The following TBC1D12 variants were observed in gnomAD, a reference collection of about 807,000 sequenced individuals.
TBC1D12 encodes TBC1 domain family member 12, also known as TBC1 domain family, member 12.
A neutral mutation model predicts 86.7 loss-of-function variants in TBC1D12; 56 were observed. That is an observed-to-expected ratio of 0.65 (90% CI 0.52 to 0.81). TBC1D12 has a LOEUF of 0.81. Ranked by LOEUF, TBC1D12 falls within the 30% of genes least tolerant of loss-of-function variation. The probability of loss-of-function intolerance (pLI) is 0.00; values close to 1 mark genes in which losing one functional copy is unlikely to be tolerated. For missense variants in TBC1D12, 1,023 were observed against 1,038.8 expected, an observed-to-expected ratio of 0.98 and a Z score of 0.21; for synonymous variants, 421 against 411.7, an observed-to-expected ratio of 1.02 and a Z score of -0.27.
chr10:94,529,938 T>C (rs1313971746), intron 11 of TBC1D12, among the ~76,000 whole-genome samples: 1 of 152,230 alleles, frequency 6.6e-6, no homozygotes, highest in Non-Finnish European at 1.5e-5. Context: ...AAGTGGTTTT[T>C]GTCATATGAT....
At chr10:94,430,057 C>T (rs911388721) in intron 1 of TBC1D12, among the ~76,000 whole-genome samples, 3 of 151,998 alleles carry the variant, frequency 2.0e-5, no homozygotes, top group African/African-American at 7.3e-5. Flanking sequence ...TATCCCCCCA[C>T]CCCAATTTCT....
chr10:94,519,907 T>A (rs528835700), intron 9 of TBC1D12, among the ~76,000 whole-genome samples: 1 of 152,072 alleles, frequency 6.6e-6, no homozygotes, highest in Non-Finnish European at 1.5e-5. Flanking sequence ...ATCTGTAGAG[T>A]CCCTTTTACC....
intron 2 of TBC1D12, among the ~76,000 whole-genome samples, chr10:94,450,035 T>C (rs1283515105): frequency 1.3e-5 from 2 of 152,232 alleles, no homozygotes; most frequent in Admixed American, 1.3e-4. Flanking sequence ...AGGCTTTTTC[T>C]ATAGCAGAAC....
At chr10:94,473,285 G>A (rs951002165) in intron 2 of TBC1D12, among the ~76,000 whole-genome samples, 7 of 151,510 alleles carry the variant, frequency 4.6e-5, no homozygotes, top group Middle Eastern at 3.4e-3. Context: ...GCTTGAACCC[G>A]GGAGGCGGAG....
At chr10:94,438,631 G>A (rs1311548586) in intron 1 of TBC1D12, among the ~76,000 whole-genome samples, 1 of 152,088 alleles carries the variant, frequency 6.6e-6, no homozygotes, top group Non-Finnish European at 1.5e-5. Flanking sequence ...TGTGGTGGTG[G>A]TGGTTGTGAG....
chr10:94,522,123 A>C, intron 10 of TBC1D12, 40 bp downstream of exon 10: 2 of 1,594,366 alleles, frequency 1.3e-6, no homozygotes, highest in Non-Finnish European at 1.7e-6. Context: ...CTGTAGTTTG[A>C]ATGCCCTCTT....
At chr10:94,500,948 T>C (rs920936658) in intron 6 of TBC1D12, among the ~76,000 whole-genome samples, 2 of 151,926 alleles carry the variant, frequency 1.3e-5, no homozygotes, top group Admixed American at 6.6e-5. Flanking sequence ...CCCAGCTACT[T>C]GGGAGGCTGA....
intron 2 of TBC1D12, among the ~76,000 whole-genome samples, chr10:94,471,159 T>G (rs1456566495): frequency 6.6e-6 from 1 of 151,466 alleles, no homozygotes; most frequent in African/African-American, 2.4e-5. Context: ...GCCTGTAATC[T>G]CAGCTACTCA....
rs1240880289 is a variant in TBC1D12 at position 94,534,736 on chromosome 10, G to T, written c.*1640G>T. ...GTCATGACCCTCCAATTGAAACATA[G>T]CATGAATTATTTTTATGTCGAGTTC... is the stretch of plus-strand genomic sequence containing the variant. On this transcript the variant is annotated 3_prime_UTR_variant, in exon 13 of 13. Coordinates refer to ENST00000225235, the MANE Select transcript of TBC1D12 (RefSeq NM_015188.2). 6.6e-6 allele frequency: 1 copy of T among 152,130 alleles called. No homozygotes were observed. The highest frequency in any genetic ancestry group is 1.5e-5 in the Non-Finnish European group (1 of 68,012). 9.4% of individuals were successfully genotyped at this position (152,130 alleles called of 1,614,324 possible). A position where few individuals can be genotyped will look rare whatever the true frequency, so the allele number is the denominator to read the frequency against.
intron 2 of TBC1D12, among the ~76,000 whole-genome samples, chr10:94,454,913 A>G (rs1016701656): frequency 6.6e-6 from 1 of 152,218 alleles, no homozygotes; most frequent in Non-Finnish European, 1.5e-5. Context: ...TTCCAGAACA[A>G]TGTTGAGAAG....
chr10:94,496,835 A>G (rs927874330), intron 4 of TBC1D12, among the ~76,000 whole-genome samples: 1 of 152,202 alleles, frequency 6.6e-6, no homozygotes, highest in African/African-American at 2.4e-5. Context: ...CATCTCTAAA[A>G]AAAGAGAAAA....
intron 6 of TBC1D12, among the ~76,000 whole-genome samples, chr10:94,503,083 T>G: frequency 6.6e-6 from 1 of 152,256 alleles, no homozygotes; most frequent in Non-Finnish European, 1.5e-5. Context: ...CACTATAATC[T>G]ATCTTGAACA....
At chr10:94,530,065 G>A (rs1417067028) in intron 11 of TBC1D12, among the ~76,000 whole-genome samples, 1 of 152,172 alleles carries the variant, frequency 6.6e-6, no homozygotes, top group African/African-American at 2.4e-5. Context: ...ATAAGTGGCA[G>A]TGCAAAAGGA....
chr10:94,410,118 A>T (rs190718040), intron 1 of TBC1D12, among the ~76,000 whole-genome samples: 1 of 152,302 alleles, frequency 6.6e-6, no homozygotes, highest in African/African-American at 2.4e-5. Context: ...TCATGCCTTA[A>T]TACTCCATGG....
chr10:94,460,921 G>C (rs1420377221), intron 2 of TBC1D12, among the ~76,000 whole-genome samples: 1 of 151,876 alleles, frequency 6.6e-6, no homozygotes, highest in Non-Finnish European at 1.5e-5. Flanking sequence ...TTAATCTTTA[G>C]TATTTCTTTT....
chr10:94,516,678 T>G (rs1842002187), intron 9 of TBC1D12, among the ~76,000 whole-genome samples: 1 of 151,508 alleles, frequency 6.6e-6, no homozygotes, highest in African/African-American at 2.4e-5. Flanking sequence ...TTTGGTTTTT[T>G]GTTCTTGCGA....
chr10:94,496,416 T>C (rs1444996347), intron 4 of TBC1D12, among the ~76,000 whole-genome samples: 1 of 152,064 alleles, frequency 6.6e-6, no homozygotes, highest in African/African-American at 2.4e-5. Flanking sequence ...TTCAAACTAG[T>C]AAAGTGAAAC....
At position 94,502,818 on chromosome 10, in the gene TBC1D12, C is replaced by T. The variant is rs866502874; in HGVS notation, c.1519+2491C>T. Among the ~76,000 whole-genome samples the T allele has an allele frequency of 1.2e-4, 18 of 152,282 alleles. 1 individual carries two copies. The highest frequency in any genetic ancestry group is 6.2e-4 in the South Asian group (3 of 4,822). ...TAGAAATAATATATTGTCACTGTTA[C>T]TTCTAAAATTTTTCTTTTTATATTT... On this transcript the variant is annotated intron_variant, in intron 6 of 12. Coordinates refer to ENST00000225235, the MANE Select transcript of TBC1D12 (RefSeq NM_015188.2).
intron 2 of TBC1D12, among the ~76,000 whole-genome samples, chr10:94,465,907 TACATATATAC>T (rs2055812264): frequency 6.6e-6 from 1 of 150,992 alleles, no homozygotes; most frequent in South Asian, 2.1e-4. Context: ...TACGCATATA[TACATATATAC>T]GTATATATGC....
Sources: allele counts gnomAD v4.1 joint callset (sites outside exome capture counted in the v4.1 genomes callset), GRCh38; gene constraint gnomAD v4.1.1; transcripts MANE v1.5; gene names NCBI Gene and HGNC (gene_info 2026-07-23, HGNC 2026-07-21).